The following EPB41 variants were observed in gnomAD, a reference collection of about 807,000 sequenced individuals.
The protein encoded by EPB41 is erythrocyte membrane protein band 4.1, also known as protein 4.1.
A neutral mutation model predicts 108.0 loss-of-function variants in EPB41; 65 were observed. The observed-to-expected ratio is 0.60, with a 90% CI of 0.49 to 0.74. The LOEUF (loss-of-function observed/expected upper bound fraction) is 0.74. EPB41 is among the 30% of genes least tolerant of loss of function. The probability of loss-of-function intolerance (pLI) is 0.00; values close to 1 mark genes in which losing one functional copy is unlikely to be tolerated. For synonymous variants in EPB41, 336 were observed against 358.9 expected (o/e 0.94, Z 0.72); for missense variants, 875 against 1,037.0 (o/e 0.84, Z 2.15).
At chr1:29,085,327 T>C (rs1658377762) in intron 16 of EPB41, among the ~76,000 whole-genome samples, 1 of 151,824 alleles carries the variant, frequency 6.6e-6, no homozygotes, top group Admixed American at 6.6e-5. Context: ...GTATTTTTAG[T>C]GGAGATGGGG....
chr1:28,919,439 C>G (rs1570561630), intron 1 of EPB41, among the ~76,000 whole-genome samples: 1 of 151,916 alleles, frequency 6.6e-6, no homozygotes, highest in East Asian at 1.9e-4. Flanking sequence ...TCCTTCCAGT[C>G]AAATTGCTAT....
At chr1:28,897,637 GA>G (rs768912816) in intron 1 of EPB41, among the ~76,000 whole-genome samples, 66,748 of 104,564 alleles carry the variant, frequency 0.64, 23,871 homozygotes, top group East Asian at 0.88. Flanking sequence ...GAGGAGGGGA[GA>G]GGAGGGGAGA....
intron 3 of EPB41, among the ~76,000 whole-genome samples, chr1:28,993,954 G>A (rs1476126694): frequency 1.3e-5 from 2 of 152,004 alleles, no homozygotes; most frequent in African/African-American, 2.4e-5. Flanking sequence ...ACTGCGCCCG[G>A]CCTTTAATGA....
At chr1:28,905,030 C>CAAA (rs1221262969) in intron 1 of EPB41, among the ~76,000 whole-genome samples, 2 of 72,354 alleles carry the variant, frequency 2.8e-5, no homozygotes, top group African/African-American at 5.8e-5. Context: ...GACTCTGTCT[C>CAAA]AAAAAAAAAA....
chr1:28,938,984 G>C (rs2094166044), intron 1 of EPB41, among the ~76,000 whole-genome samples: 1 of 151,976 alleles, frequency 6.6e-6, no homozygotes, highest in African/African-American at 2.4e-5. Flanking sequence ...TTCTTTTCTA[G>C]GCCTAATTGC....
At chr1:29,022,576 C>G (rs1274300531) in intron 7 of EPB41, among the ~76,000 whole-genome samples, 1 of 150,730 alleles carries the variant, frequency 6.6e-6, no homozygotes, top group Non-Finnish European at 1.5e-5. Context: ...CAAAAATTAG[C>G]CAGGCATGGT....
At chr1:28,977,944 ATTTT>A (rs1557886736) in intron 1 of EPB41, among the ~76,000 whole-genome samples, 125 of 150,606 alleles carry the variant, frequency 8.3e-4, no homozygotes, top group Middle Eastern at 3.4e-3. Flanking sequence ...TATCAGTTTC[ATTTT>A]ATATTCTCTT....
chr1:28,992,137 G>A (rs1256822426), intron 2 of EPB41, among the ~76,000 whole-genome samples: 1 of 152,198 alleles, frequency 6.6e-6, no homozygotes, highest in Non-Finnish European at 1.5e-5. Context: ...AGATAGGATA[G>A]CCAGTGAAGA....
chr1:29,093,566 T>G (rs1442527378), intron 16 of EPB41, among the ~76,000 whole-genome samples: 2 of 152,204 alleles, frequency 1.3e-5, no homozygotes, highest in African/African-American at 4.8e-5. Flanking sequence ...ATTTGTCAAT[T>G]TTTGCTTTTG....
chr1:29,075,393 G>C (rs1027190634), intron 16 of EPB41, among the ~76,000 whole-genome samples: 9 of 150,936 alleles, frequency 6.0e-5, no homozygotes, highest in African/African-American at 2.2e-4. Flanking sequence ...CAGGAGAATC[G>C]CTTGAACCCA....
At chr1:28,990,813 A>G (rs966598694) in intron 2 of EPB41, among the ~76,000 whole-genome samples, 1 of 152,140 alleles carries the variant, frequency 6.6e-6, no homozygotes, top group African/African-American at 2.4e-5. Context: ...ACTTGTCTGC[A>G]TTGTCTAAAG....
intron 1 of EPB41, among the ~76,000 whole-genome samples, chr1:28,901,218 T>A (rs143640559): frequency 1.6e-5 from 2 of 123,140 alleles, no homozygotes; most frequent in Non-Finnish European, 3.7e-5. Flanking sequence ...CGTGAGCCAC[T>A]GCACCCGGCT....
intron 5 of EPB41, among the ~76,000 whole-genome samples, chr1:29,013,555 T>A (rs2096536628): frequency 6.6e-6 from 1 of 152,160 alleles, no homozygotes; most frequent in Non-Finnish European, 1.5e-5. Context: ...AGATGGAGTT[T>A]CGCTCTTGTT....
rs115775312 is a variant in EPB41, at chr1:28,976,566, A to G, written c.-7-10865A>G. Among the ~76,000 whole-genome samples, 542 of 151,974 alleles carry G rather than the reference A, an allele frequency of 3.6e-3. 1 individual carries two copies. Among genetic ancestry groups the G allele is most frequent in the African/African-American group, 9.1e-3 (379 of 41,460 alleles). On this transcript the variant is annotated intron_variant, in intron 1 of 20. Transcript: ENST00000343067. ...ACGAGGCCTTTCTATGTTGCCTAGG[A>G]TGGACTCAAACTCCTGGGCTCAAGC...
chr1:29,034,276 A>AT (rs1489573586), intron 9 of EPB41, among the ~76,000 whole-genome samples: 1 of 152,248 alleles, frequency 6.6e-6, no homozygotes, highest in Non-Finnish European at 1.5e-5. Context: ...GACTAGGAAT[A>AT]TAACAGCAAA....
At chr1:28,970,406 G>A (rs1193659767) in intron 1 of EPB41, among the ~76,000 whole-genome samples, 1 of 152,126 alleles carries the variant, frequency 6.6e-6, no homozygotes, top group Non-Finnish European at 1.5e-5. Flanking sequence ...GATTGAGTTG[G>A]CTCTAAGAAA....
chr1:29,057,422 A>T (rs1444462706), intron 12 of EPB41, among the ~76,000 whole-genome samples: 1 of 151,312 alleles, frequency 6.6e-6, no homozygotes. Flanking sequence ...CCAAACCGTT[A>T]ATTACCCCTG....
intron 1 of EPB41, among the ~76,000 whole-genome samples, chr1:28,964,627 A>C (rs779661528): frequency 0.013 from 2,005 of 149,872 alleles, 46 homozygotes; most frequent in African/African-American, 0.046. Context: ...ATAAATAAAT[A>C]AAATAAATAA....
intron 16 of EPB41, among the ~76,000 whole-genome samples, chr1:29,073,854 G>T (rs1027761541): frequency 6.6e-6 from 1 of 152,150 alleles, no homozygotes; most frequent in Non-Finnish European, 1.5e-5. Flanking sequence ...ACATGGAATA[G>T]ATTTCCAGTT....
Sources: gnomAD v4.1 joint callset for allele counts (sites outside exome capture counted in the v4.1 genomes callset) on GRCh38, gnomAD v4.1.1 for gene constraint, MANE v1.5 for transcripts, NCBI Gene and HGNC (gene_info 2026-07-23, HGNC 2026-07-21) for gene names.